The following ZCCHC7 variants were observed in gnomAD, a reference collection of about 807,000 sequenced individuals.
The protein encoded by ZCCHC7 is zinc finger CCHC-type containing 7.
In ZCCHC7, 35 loss-of-function variants were observed where a neutral mutation model predicts 52.0. The observed-to-expected ratio is 0.67, with a 90% confidence interval of 0.51 to 0.89. ZCCHC7 has a LOEUF of 0.89. Ranked by LOEUF, ZCCHC7 falls within the 40% of genes least tolerant of loss-of-function variation. ZCCHC7 has a pLI of 0.00. For missense variants in ZCCHC7, 574 were observed against 649.1 expected (o/e 0.88, Z 1.26); for synonymous variants, 217 against 221.5 (o/e 0.98, Z 0.18).
chr9:37,245,670 A>G (rs1826052583), intron 2 of ZCCHC7, among the ~76,000 whole-genome samples: 1 of 152,012 alleles, frequency 6.6e-6, no homozygotes, highest in Admixed American at 6.6e-5. Flanking sequence ...CTCTGAATTC[A>G]CTTTTGGGAA....
At chr9:37,345,802 C>T (rs912850510) in intron 6 of ZCCHC7, among the ~76,000 whole-genome samples, 3 of 151,018 alleles carry the variant, frequency 2.0e-5, no homozygotes, top group East Asian at 1.9e-4. Flanking sequence ...GAATATAAAA[C>T]GGTTGTTATT....
intron 2 of ZCCHC7, among the ~76,000 whole-genome samples, chr9:37,218,175 T>G (rs1717245875): frequency 6.6e-6 from 1 of 152,218 alleles, no homozygotes; most frequent in South Asian, 2.1e-4. Flanking sequence ...TTCTGGAATT[T>G]TGTTTTGATT....
chr9:37,257,405 G>A (rs1826643423), intron 2 of ZCCHC7, among the ~76,000 whole-genome samples: 1 of 152,082 alleles, frequency 6.6e-6, no homozygotes, highest in Admixed American at 6.5e-5. Flanking sequence ...AGCATATTCT[G>A]GTTTCCCAGA....
intron 2 of ZCCHC7, chr9:37,160,288 T>A (rs1821024416): frequency 6.6e-6 from 1 of 152,040 alleles, no homozygotes; most frequent in Non-Finnish European, 1.5e-5. Flanking sequence ...GACAGAAGGA[T>A]CATTTGAGCC....
rs138982471 is a variant in ZCCHC7, at chr9:37,168,541, G to A, written c.610+41599G>A. On this transcript the variant is annotated intron_variant, in intron 2 of 8. Transcript: ENST00000336755. ...AGATAAGAATTCACTTTACATTTAC[G>A]ATCTCATATTTTGGCATATTCGGTA... is the stretch of plus-strand genomic sequence containing the variant. Among the ~76,000 whole-genome samples the A allele has an allele frequency of 5.3e-5, 8 of 152,214 alleles. No individual in the cohort carries two copies. The East Asian group carries it at 9.6e-4, about 18-fold the overall frequency.
intron 2 of ZCCHC7, among the ~76,000 whole-genome samples, chr9:37,151,742 T>C (rs1313328830): frequency 6.6e-6 from 1 of 152,014 alleles, no homozygotes; most frequent in East Asian, 1.9e-4. Context: ...GAGGCGGAGG[T>C]TGCAGTGAGC....
At chr9:37,120,710 C>T (rs1842269164) in intron 1 of ZCCHC7, 87 bp downstream of exon 1, 1 of 368,380 alleles carries the variant, frequency 2.7e-6, no homozygotes, top group Non-Finnish European at 4.9e-6. Flanking sequence ...GTGGAACTAG[C>T]GCGTGCCCCC....
intron 2 of ZCCHC7, chr9:37,186,694 AT>A (rs745631355): frequency 1.1e-3 from 639 of 578,828 alleles, no homozygotes; most frequent in South Asian, 2.1e-3. Flanking sequence ...AGATTCAAAT[AT>A]TTTTTTTTCC....
At chr9:37,353,623 G>A (rs2118678987) in intron 7 of ZCCHC7, among the ~76,000 whole-genome samples, 1 of 152,170 alleles carries the variant, frequency 6.6e-6, no homozygotes, top group Admixed American at 6.5e-5. Flanking sequence ...GGCAACTAAG[G>A]TAAAATGTTA....
chr9:37,171,643 C>T (rs184131806), intron 2 of ZCCHC7, among the ~76,000 whole-genome samples: 17 of 152,182 alleles, frequency 1.1e-4, no homozygotes, highest in Admixed American at 9.2e-4. Flanking sequence ...TGGTCTCTAA[C>T]TCCTAGGCTC....
At chr9:37,151,184 T>A (rs932851839) in intron 2 of ZCCHC7, among the ~76,000 whole-genome samples, 1 of 152,020 alleles carries the variant, frequency 6.6e-6, no homozygotes, top group Non-Finnish European at 1.5e-5. Context: ...GCCAGGATAG[T>A]CTCGATCTCC....
At chr9:37,257,973 G>T (rs1264292186) in intron 2 of ZCCHC7, among the ~76,000 whole-genome samples, 1 of 152,126 alleles carries the variant, frequency 6.6e-6, no homozygotes, top group Non-Finnish European at 1.5e-5. Flanking sequence ...TTAGGGCAAG[G>T]GGTATAGCTG....
At chr9:37,300,510 T>G (rs938174677) in intron 2 of ZCCHC7, among the ~76,000 whole-genome samples, 2 of 152,220 alleles carry the variant, frequency 1.3e-5, no homozygotes, top group Non-Finnish European at 2.9e-5. Flanking sequence ...AAAATAATCA[T>G]CAGCACAGCA....
intron 6 of ZCCHC7, among the ~76,000 whole-genome samples, chr9:37,333,515 T>A (rs1381551394): frequency 6.6e-6 from 1 of 151,752 alleles, no homozygotes; most frequent in African/African-American, 2.4e-5. Flanking sequence ...CTTAAAGTTG[T>A]ACTTCTGTTT....
At chr9:37,337,848 T>A (rs1397794837) in intron 6 of ZCCHC7, among the ~76,000 whole-genome samples, 1 of 152,200 alleles carries the variant, frequency 6.6e-6, no homozygotes, top group Non-Finnish European at 1.5e-5. Context: ...TGTCACTATG[T>A]AGGTAGTCTC....
chr9:37,294,085 T>A (rs188001582), intron 2 of ZCCHC7, among the ~76,000 whole-genome samples: 2 of 152,314 alleles, frequency 1.3e-5, no homozygotes, highest in East Asian at 3.9e-4. Flanking sequence ...AAAATTTTAA[T>A]GACTAAAACA....
intron 2 of ZCCHC7, among the ~76,000 whole-genome samples, chr9:37,137,236 ATCAT>A: frequency 6.6e-6 from 1 of 152,222 alleles, no homozygotes; most frequent in Non-Finnish European, 1.5e-5. Context: ...AGAATACGTA[ATCAT>A]TCCAGGTGAA....
At chr9:37,161,531 C>T (rs1821105814) in intron 2 of ZCCHC7, among the ~76,000 whole-genome samples, 1 of 151,606 alleles carries the variant, frequency 6.6e-6, no homozygotes, top group Non-Finnish European at 1.5e-5. Context: ...GCCAAGATGG[C>T]GTCACTGCAC....
chr9:37,297,564 C>T (rs1043083938), intron 2 of ZCCHC7, among the ~76,000 whole-genome samples: 2 of 152,152 alleles, frequency 1.3e-5, no homozygotes, highest in African/African-American at 2.4e-5. Flanking sequence ...ATGAGTTTTA[C>T]AATTTTAGAT....
Sources: allele counts gnomAD v4.1 joint callset (sites outside exome capture counted in the v4.1 genomes callset), GRCh38; gene constraint gnomAD v4.1.1; transcripts MANE v1.5; gene names NCBI Gene and HGNC (gene_info 2026-07-23, HGNC 2026-07-21).